The following ZNF518A variants were observed in gnomAD, a reference collection of about 807,000 sequenced individuals.
ZNF518A encodes zinc finger protein 518.
A neutral mutation model predicts 102.7 loss-of-function variants in ZNF518A; 47 were observed. The ratio of observed to expected loss-of-function variants is 0.46; its 90% CI spans 0.36 to 0.58. The LOEUF is 0.58. ZNF518A is among the 20% of genes least tolerant of loss of function. ZNF518A has a pLI of 0.00. For missense variants in ZNF518A, 1,793 were observed against 1,699.8 expected, an observed-to-expected ratio of 1.05 and a Z score of -0.96; for synonymous variants, 652 against 594.6, an observed-to-expected ratio of 1.10 and a Z score of -1.40.
intron 1 of ZNF518A, among the ~76,000 whole-genome samples, chr10:96,182,813 G>C (rs2083248061): frequency 6.6e-6 from 1 of 152,168 alleles, no homozygotes; most frequent in Admixed American, 6.5e-5. Context: ...CCAGGCTTTG[G>C]TATCAGGATG....
At chr10:96,137,678 T>C (rs1461393545) in intron 3 of ZNF518A, among the ~76,000 whole-genome samples, 1 of 152,250 alleles carries the variant, frequency 6.6e-6, no homozygotes, top group Non-Finnish European at 1.5e-5. Context: ...AATCTCTTTC[T>C]GTTGGATGTG....
downstream of ZNF518A, among the ~76,000 whole-genome samples, chr10:96,164,181 A>G (rs1444587262): frequency 2.6e-5 from 4 of 152,232 alleles, no homozygotes; most frequent in African/African-American, 4.8e-5. Context: ...GGTGGGAGAA[A>G]ATGGAGGTGA....
chr10:96,140,007 C>T (rs587651453), intron 3 of ZNF518A, among the ~76,000 whole-genome samples: 54 of 152,108 alleles, frequency 3.6e-4, no homozygotes, highest in African/African-American at 1.3e-3. Flanking sequence ...TACAGGCATG[C>T]ACCACCATAT....
At chr10:96,142,513 T>G (rs1218398833) in intron 3 of ZNF518A, among the ~76,000 whole-genome samples, 1 of 152,182 alleles carries the variant, frequency 6.6e-6, no homozygotes, top group Non-Finnish European at 1.5e-5. Flanking sequence ...AGTAGTTTTT[T>G]ATGTGATGAG....
rs781789284 is a variant in ZNF518A, at chr10:96,200,192, G to A, written n.36-3382G>A. ...TGGAGGGCACTGGTCAGCATGGGAT[G>A]GTCCCTACTTAACTCTAATTTCTGT... On this transcript the variant is annotated intron_variant and non_coding_transcript_variant, in intron 1 of 2. Coordinates refer to the ZNF518A transcript ENST00000442635. The surrounding 1 kb of genome is among the most constrained non-coding windows in gnomAD (Gnocchi z 4.3). 3.2e-6 allele frequency: 5 copies of A among 1,580,178 alleles called. No homozygotes were observed. Among genetic ancestry groups the A allele is most frequent in the South Asian group, 1.1e-5 (1 of 89,992 alleles).
intron 1 of ZNF518A, among the ~76,000 whole-genome samples, chr10:96,172,519 G>A (rs2083179740): frequency 1.3e-5 from 2 of 151,970 alleles, no homozygotes; most frequent in African/African-American, 4.8e-5. Context: ...TCTTGGGTTT[G>A]TAACATGTAA....
intron 1 of ZNF518A, 125 bp from the exon 2 acceptor site, chr10:96,132,461 A>G (rs1334087154): frequency 6.6e-6 from 1 of 150,610 alleles, no homozygotes; most frequent in Non-Finnish European, 1.5e-5. Flanking sequence ...GCTTAAGTGT[A>G]TAGAAGTTTT....
chr10:96,189,605 G>A (rs1179108490), intron 1 of ZNF518A: 25 of 695,850 alleles, frequency 3.6e-5, no homozygotes, highest in Admixed American at 2.3e-4. Flanking sequence ...ATGGGTTTGA[G>A]TGTTTTCTAT....
intron 3 of ZNF518A, among the ~76,000 whole-genome samples, chr10:96,133,922 C>T (rs1454368128): frequency 6.6e-6 from 1 of 152,130 alleles, no homozygotes; most frequent in East Asian, 1.9e-4. Context: ...CATTAAGTAA[C>T]TTTTTCCTAT....
At chr10:96,176,212 G>A (rs1229182863) in intron 1 of ZNF518A, among the ~76,000 whole-genome samples, 2 of 151,966 alleles carry the variant, frequency 1.3e-5, no homozygotes, top group Non-Finnish European at 2.9e-5. Context: ...ATAGATGTGA[G>A]CCACTACACT....
chr10:96,154,644 C>G (rs1016683043), intron 3 of ZNF518A, among the ~76,000 whole-genome samples: 2 of 152,096 alleles, frequency 1.3e-5, no homozygotes, highest in Non-Finnish European at 2.9e-5. Context: ...GATAATTCTT[C>G]TCAGCCTTTT....
chr10:96,156,218 C>A lies in ZNF518A; in HGVS notation c.-105C>A, dbSNP rs1057419088. 3.8e-6 allele frequency: 4 copies of A among 1,057,236 alleles called. No homozygotes were observed. Among genetic ancestry groups the A allele is most frequent in the Non-Finnish European group, 3.8e-6 (3 of 780,864 alleles). 65.5% of individuals were successfully genotyped at this position (1,057,236 alleles called of 1,614,324 possible). A position where few individuals can be genotyped will look rare whatever the true frequency, so the allele number is the denominator to read the frequency against. On this transcript the variant is annotated 5_prime_UTR_variant, in exon 6 of 6. Transcript: ENST00000316045. The stretch of plus-strand genomic sequence containing the variant: ...TTAGGTGAGTTATTGTGGGAAAAAT[C>A]CTGTATATTGAAGATGTCTCTACAC...
intron 1 of ZNF518A, among the ~76,000 whole-genome samples, chr10:96,193,946 A>G (rs929624715): frequency 1.3e-5 from 2 of 152,184 alleles, no homozygotes; most frequent in Non-Finnish European, 2.9e-5. Context: ...TAGATACTTT[A>G]AGTAAGAGTT....
intron 1 of ZNF518A, among the ~76,000 whole-genome samples, chr10:96,172,867 A>G (rs1424372729): frequency 6.6e-6 from 1 of 152,174 alleles, no homozygotes; most frequent in Non-Finnish European, 1.5e-5. Context: ...TCCAATCAAA[A>G]GGCAGAAATT....
At chr10:96,152,129 T>C (rs1207668398) in intron 3 of ZNF518A, among the ~76,000 whole-genome samples, 1 of 151,696 alleles carries the variant, frequency 6.6e-6, no homozygotes, top group East Asian at 1.9e-4. Flanking sequence ...CTGGGCGACA[T>C]GGCAAAACCT....
rs1554885979 is a variant in ZNF518A, at chr10:96,159,374, C to G, written c.3052C>G (p.Pro1018Ala). 2 of 1,613,812 alleles carry G rather than the reference C, an allele frequency of 1.2e-6. No homozygotes were observed. Among genetic ancestry groups the G allele is most frequent in the Non-Finnish European group, 1.7e-6 (2 of 1,179,788 alleles). ...CAAAACACCTATTTTGAAGGTAGAA[C>G]CAAACAATAATTGTCTTACACCTGG... ...PCKTPILKVE[P>A]NNNCLTPGLC... The change falls in exon 6 of 6, where the codon CCA becomes GCA. Residue 1018 changes from proline to alanine, a missense_variant. By Grantham distance (27) the Pro-to-Ala change is conservative. Transcript: ENST00000316045.
intron 1 of ZNF518A, among the ~76,000 whole-genome samples, chr10:96,175,260 G>A (rs1056421613): frequency 6.6e-6 from 1 of 152,176 alleles, no homozygotes; most frequent in East Asian, 1.9e-4. Context: ...TCAAGCCTGG[G>A]GACATATAAA....
intron 1 of ZNF518A, among the ~76,000 whole-genome samples, chr10:96,188,457 A>G (rs1400610713): frequency 2.0e-5 from 3 of 152,208 alleles, no homozygotes; most frequent in Admixed American, 6.5e-5. Flanking sequence ...TTGGAGGAGG[A>G]GAGGAAGAAT....
chr10:96,131,823 C>T (rs944251913), intron 1 of ZNF518A, among the ~76,000 whole-genome samples: 15 of 151,964 alleles, frequency 9.9e-5, no homozygotes, highest in Non-Finnish European at 8.8e-5. Flanking sequence ...TGCTGTAATC[C>T]CAGAAGTTTC....
Sources: gnomAD v4.1 joint callset for allele counts (sites outside exome capture counted in the v4.1 genomes callset) on GRCh38, gnomAD v4.1.1 for gene constraint, Gnocchi (gnomAD v3.1) non-coding constraint, MANE v1.5 for transcripts, NCBI Gene and HGNC (gene_info 2026-07-23, HGNC 2026-07-21) for gene names.